PPP3CC: variants seen among roughly 807,000 people sequenced by gnomAD.
The protein encoded by PPP3CC is protein phosphatase 3 catalytic subunit gamma.
A neutral mutation model predicts 60.3 loss-of-function variants in PPP3CC; 35 were observed. That is an observed-to-expected ratio of 0.58 (90% CI 0.44 to 0.77). The LOEUF (loss-of-function observed/expected upper bound fraction) is 0.77. Among genes scored for constraint, PPP3CC ranks in the 30% least tolerant of loss-of-function variants. The probability of loss-of-function intolerance (pLI) is 0.00; values close to 1 mark genes in which losing one functional copy is unlikely to be tolerated. For missense variants in PPP3CC, 570 were observed against 628.9 expected (o/e 0.91, Z 1.00); for synonymous variants, 206 against 224.3 (o/e 0.92, Z 0.73).
At chr8:22,501,194 AT>A (rs933544690) in intron 4 of PPP3CC, among the ~76,000 whole-genome samples, 6 of 152,194 alleles carry the variant, frequency 3.9e-5, no homozygotes, top group African/African-American at 1.2e-4. Context: ...GATGTGAGGT[AT>A]TTGAAGAGCA....
intron 1 of PPP3CC, among the ~76,000 whole-genome samples, chr8:22,450,758 TTCC>T (rs1456751000): frequency 2.0e-5 from 3 of 152,218 alleles, no homozygotes; most frequent in African/African-American, 7.2e-5. Flanking sequence ...GTTCCATTTC[TTCC>T]TCCTCATTTC....
intron 12 of PPP3CC, among the ~76,000 whole-genome samples, chr8:22,535,926 T>C (rs1839834990): frequency 6.6e-6 from 1 of 152,090 alleles, no homozygotes; most frequent in African/African-American, 2.4e-5. Flanking sequence ...GAGATGGGGT[T>C]TCACCATGTT....
intron 3 of PPP3CC, among the ~76,000 whole-genome samples, chr8:22,483,490 G>A (rs1838131637): frequency 6.6e-6 from 1 of 152,162 alleles, no homozygotes; most frequent in African/African-American, 2.4e-5. Context: ...GTTTCACAGT[G>A]TTAGCCAGGA....
intron 1 of PPP3CC, among the ~76,000 whole-genome samples, chr8:22,469,483 A>G (rs1837648980): frequency 6.6e-6 from 1 of 152,158 alleles, no homozygotes; most frequent in African/African-American, 2.4e-5. Context: ...AACATCCTGA[A>G]GACCCTGGCT....
At chr8:22,476,056 T>G (rs1462250382) in intron 3 of PPP3CC, among the ~76,000 whole-genome samples, 2 of 152,210 alleles carry the variant, frequency 1.3e-5, no homozygotes, top group Non-Finnish European at 2.9e-5. Context: ...GAATAATGTC[T>G]GGTACTGGTA....
chr8:22,505,581 A>G (rs1838891894), intron 4 of PPP3CC, among the ~76,000 whole-genome samples: 1 of 152,204 alleles, frequency 6.6e-6, no homozygotes, highest in Admixed American at 6.5e-5. Context: ...AGGGGAGGCA[A>G]AATTTTACCT....
At chr8:22,457,265 T>G (rs1019341125) in intron 1 of PPP3CC, among the ~76,000 whole-genome samples, 4 of 151,642 alleles carry the variant, frequency 2.6e-5, no homozygotes, top group African/African-American at 4.9e-5. Context: ...AACAAACACC[T>G]AAAAGTGTGG....
At chr8:22,443,966 A>G (rs1457079814) in intron 1 of PPP3CC, among the ~76,000 whole-genome samples, 1 of 152,176 alleles carries the variant, frequency 6.6e-6, no homozygotes, top group Non-Finnish European at 1.5e-5. Context: ...CACCCCAGCT[A>G]TTTTTGTTTC....
chr8:22,482,049 C>T (rs983859288), intron 3 of PPP3CC, among the ~76,000 whole-genome samples: 8 of 152,044 alleles, frequency 5.3e-5, no homozygotes, highest in African/African-American at 7.3e-5. Context: ...AGTATATACG[C>T]GATAATGGGA....
chr8:22,503,562 T>G (rs750053688), intron 4 of PPP3CC, among the ~76,000 whole-genome samples: 1 of 152,154 alleles, frequency 6.6e-6, no homozygotes, highest in African/African-American at 2.4e-5. Flanking sequence ...ATATAGTAGG[T>G]GTATCTATTT....
At chr8:22,521,554 C>T (rs1163145693) in intron 6 of PPP3CC, among the ~76,000 whole-genome samples, 1 of 152,188 alleles carries the variant, frequency 6.6e-6, no homozygotes, top group Non-Finnish European at 1.5e-5. Flanking sequence ...TACAATGGCA[C>T]TTATGGCCAT....
chr8:22,533,900 AT>A (rs1453019347), intron 12 of PPP3CC, among the ~76,000 whole-genome samples: 1 of 149,340 alleles, frequency 6.7e-6, no homozygotes, highest in Non-Finnish European at 1.5e-5. Flanking sequence ...GGAAATAGAT[AT>A]TAAAACCACA....
chr8:22,524,394 T>C (rs1157665109), intron 8 of PPP3CC, among the ~76,000 whole-genome samples: 1 of 152,210 alleles, frequency 6.6e-6, no homozygotes, highest in East Asian at 1.9e-4. Context: ...CAGTGACTTG[T>C]CTATTTTAAA....
chr8:22,493,772 A>G (rs1838479245), intron 3 of PPP3CC, among the ~76,000 whole-genome samples: 1 of 152,214 alleles, frequency 6.6e-6, no homozygotes, highest in African/African-American at 2.4e-5. Context: ...GATGTTTTAC[A>G]ATGAGCCTTT....
intron 11 of PPP3CC, among the ~76,000 whole-genome samples, chr8:22,532,638 C>T (rs146879670): frequency 6.6e-6 from 1 of 152,146 alleles, no homozygotes; most frequent in African/African-American, 2.4e-5. Context: ...TAATAATAGG[C>T]CCTAGCGCAC....
rs376359432 is a variant in PPP3CC at position 22,532,453 on chromosome 8, G to A, written c.1223+147G>A. 18 of 665,846 alleles carry A rather than the reference G, an allele frequency of 2.7e-5. 1 individual carries two copies. Among genetic ancestry groups the A allele is most frequent in the Middle Eastern group, 5.3e-4 (2 of 3,808 alleles). 41.2% of individuals were successfully genotyped at this position (665,846 alleles called of 1,614,324 possible). ...GTGCAAATTCAATGAACATGTTTAA[G>A]CGACTAAAAATGTTCCAGCAAACAT... On this transcript the variant is annotated intron_variant, in intron 11 of 13. Transcript: ENST00000240139.
At position 22,540,702 on chromosome 8, in the gene PPP3CC, G is replaced by A; in HGVS notation, c.1439G>A (p.Arg480Gln). Residue 480 changes from arginine (R) to glutamine (Q), a missense_variant, in exon 14 of 14, where the codon CGA becomes CAA. Physicochemically the swap from Arg to Gln is conservative, Grantham distance 43 (BLOSUM62 1). Transcript: ENST00000240139. ...LDRINERMPP[R>Q]KDSIHAGGPM... ...CGAATTAATGAGCGAATGCCACCCC[G>A]AAAGGATAGCATACACGCTGGTGGG... 4 of 1,614,052 alleles carry A rather than the reference G, an allele frequency of 2.5e-6. No homozygotes were observed. The highest frequency in any genetic ancestry group is 1.1e-5 in the South Asian group (1 of 91,080).
At chr8:22,536,491 A>G (rs1391756405) in intron 12 of PPP3CC, among the ~76,000 whole-genome samples, 1 of 152,248 alleles carries the variant, frequency 6.6e-6, no homozygotes, top group African/African-American at 2.4e-5. Flanking sequence ...TTATATAGCT[A>G]TGTTATTTGG....
rs548972022 is a variant in PPP3CC at position 22,485,772 on chromosome 8, G to A, written c.372+10148G>A. ...TTAGAGCATGCATGCAGACAGAATG[G>A]TATGTCCGAAGAACAAAGAGAAGGT... On this transcript the variant is annotated intron_variant, in intron 3 of 13. Transcript: ENST00000240139. 7.9e-5 allele frequency among the ~76,000 whole-genome samples: 12 copies of A among 152,262 alleles called. No individual in the cohort carries two copies. In the South Asian group the frequency reaches 2.3e-3, roughly 29 times the overall value.
Sources: gnomAD v4.1 joint callset for allele counts (sites outside exome capture counted in the v4.1 genomes callset) on GRCh38, gnomAD v4.1.1 for gene constraint, MANE v1.5 for transcripts, NCBI Gene and HGNC (gene_info 2026-07-23, HGNC 2026-07-21) for gene names.